The following DNAAF10 variants were observed in gnomAD, a reference collection of about 807,000 sequenced individuals.
The protein encoded by DNAAF10 is WD repeat domain 92.
Under a neutral mutation model 43.7 loss-of-function variants are expected in DNAAF10, and 28 were observed. The observed-to-expected ratio is 0.64, with a 90% CI of 0.48 to 0.88. The LOEUF (loss-of-function observed/expected upper bound fraction) is 0.88, where lower values mean the gene tolerates loss of function less well. DNAAF10 is among the 40% of genes least tolerant of loss of function. DNAAF10 has a pLI of 0.00. For synonymous variants in DNAAF10, 156 were observed against 157.3 expected (o/e 0.99, Z 0.06); for missense variants, 403 against 439.1 (o/e 0.92, Z 0.73).
chr2:68,138,949 A>G, intron 4 of DNAAF10, 92 bp from the exon 5 acceptor site: 1 of 866,650 alleles, frequency 1.2e-6, no homozygotes, highest in Non-Finnish European at 1.9e-6. Context: ...CATAAAACTT[A>G]TATTAAATCA....
chr2:68,133,810 C>CTA (rs952993870), intron 7 of DNAAF10, among the ~76,000 whole-genome samples: 14 of 152,150 alleles, frequency 9.2e-5, no homozygotes, highest in African/African-American at 3.1e-4. Flanking sequence ...GCACACAGTA[C>CTA]TTTAACAAGT....
At chr2:68,140,177 A>G (rs1041165853) in intron 4 of DNAAF10, among the ~76,000 whole-genome samples, 4 of 152,088 alleles carry the variant, frequency 2.6e-5, no homozygotes, top group Non-Finnish European at 5.9e-5. Flanking sequence ...AGTGAGAAGG[A>G]GGCCCCTGTC....
intron 1 of DNAAF10, among the ~76,000 whole-genome samples, chr2:68,155,798 T>C (rs550113607): frequency 3.3e-5 from 5 of 152,020 alleles, no homozygotes; most frequent in South Asian, 2.1e-4. Context: ...GAACTGAACA[T>C]TGGAATAGCA....
intron 4 of DNAAF10, 82 bp downstream of exon 4, chr2:68,141,612 A>G (rs984925265): frequency 9.2e-6 from 12 of 1,303,976 alleles, no homozygotes; most frequent in Middle Eastern, 1.9e-4. Context: ...ACAGACCATA[A>G]AGAGACTACT....
At chr2:68,140,576 C>T (rs1248426224) in intron 4 of DNAAF10, among the ~76,000 whole-genome samples, 1 of 152,154 alleles carries the variant, frequency 6.6e-6, no homozygotes, top group Non-Finnish European at 1.5e-5. Flanking sequence ...CTGCAAAGAG[C>T]TCTTGAACTC....
intron 1 of DNAAF10, 69 bp from the exon 2 acceptor site, chr2:68,147,636 T>C (rs2103627711): frequency 9.1e-7 from 1 of 1,104,558 alleles, no homozygotes; most frequent in Non-Finnish European, 1.3e-6. Flanking sequence ...ATTAATATCA[T>C]ATTTATGGCT....
At chr2:68,147,656 C>A (rs1375544204) in intron 1 of DNAAF10, 89 bp from the exon 2 acceptor site, 24 of 898,708 alleles carry the variant, frequency 2.7e-5, no homozygotes, top group Non-Finnish European at 3.7e-5. Flanking sequence ...TCTATTATGG[C>A]ATTTAAATAA....
chr2:68,157,340 G>T lies in DNAAF10; in HGVS notation c.104C>A (p.Thr35Asn), dbSNP rs1411075684. The T allele has an allele frequency of 1.2e-6, 2 of 1,614,056 alleles. No individual in the cohort carries two copies. The highest frequency in any genetic ancestry group is 2.2e-5 in the East Asian group (1 of 44,884). The change falls in exon 1 of 8, where the codon ACC (threonine) becomes AAC (asparagine). Residue 35 changes from threonine to asparagine, a missense_variant. By Grantham distance (65) the Thr-to-Asn change is moderately conservative. Transcript: ENST00000295121. ...KWVPCSAKFV[T>N]MGNFARGTGV... ...GGTGCCCCGTGCGAAGTTGCCCATG[G>T]TCACAAATTTGGCGCTGCAGGGCAC... is the stretch of plus-strand genomic sequence containing the variant.
chr2:68,152,700 T>G (rs548271392), intron 1 of DNAAF10, among the ~76,000 whole-genome samples: 14 of 152,330 alleles, frequency 9.2e-5, no homozygotes, highest in African/African-American at 2.6e-4. Flanking sequence ...ATTTTTGCTA[T>G]GTGATACTGA....
rs1291379143 is a variant in DNAAF10 at position 68,157,346 on chromosome 2, A to G, written c.98T>C (p.Phe33Ser). ...DCKWVPCSAK[F>S]VTMGNFARGT... ...CCGTGCGAAGTTGCCCATGGTCACA[A>G]ATTTGGCGCTGCAGGGCACCCACTT... The change falls in exon 1 of 8, where the codon TTT becomes TCT. Residue 33 changes from phenylalanine to serine, a missense_variant. By Grantham distance (155) the Phe-to-Ser change is radical. Coordinates refer to ENST00000295121, the MANE Select transcript of DNAAF10 (RefSeq NM_138458.4). 6.2e-7 allele frequency: 1 copy of G among 1,614,144 alleles called. No individual in the cohort carries two copies. The highest frequency in any genetic ancestry group is 8.5e-7 in the Non-Finnish European group (1 of 1,180,022).
chr2:68,150,850 C>T (rs566001841), intron 1 of DNAAF10, among the ~76,000 whole-genome samples: 30 of 152,194 alleles, frequency 2.0e-4, no homozygotes, highest in Non-Finnish European at 4.1e-4. Flanking sequence ...TTATCTATCT[C>T]TATATATAGT....
Position 68,157,423 on chromosome 2 carries a change from A to G in DNAAF10, c.21T>C (p.Pro7=), listed in dbSNP as rs1344508014. Reference sequence around the variant, plus strand: ...CCTTCTGGATATGGGCGATGATCTGAGGCTTCTCGAAGGCCGACATGGTGC... The same window carrying G: ...CCTTCTGGATATGGGCGATGATCTGGGGCTTCTCGAAGGCCGACATGGTGC... The part of the protein sequence containing the change: MSAFEK[P]QIIAHIQKGF... Residue 7 remains proline, a synonymous_variant, in exon 1 of 8, where the codon CCT becomes CCC. Transcript: ENST00000295121. The G allele has an allele frequency of 1.2e-6, 2 of 1,614,138 alleles. No individual in the cohort carries two copies. Among genetic ancestry groups the G allele is most frequent in the East Asian group, 4.5e-5 (2 of 44,884 alleles).
chr2:68,157,015 G>A, intron 1 of DNAAF10: 1 of 578,376 alleles, frequency 1.7e-6, no homozygotes, highest in East Asian at 3.0e-5. Context: ...AGGCATCCTG[G>A]TGCCCGCTTT....
Position 68,157,268 on chromosome 2 carries a change from A to G in DNAAF10, c.176T>C (p.Leu59Pro), listed in dbSNP as rs1558615455. Residue 59 changes from leucine to proline, a missense_variant, in exon 1 of 8, where the codon CTT (leucine) becomes CCT (proline). Leu to Pro is a moderately conservative substitution (Grantham distance 98). Transcript: ENST00000295121. The stretch of plus-strand genomic sequence containing the variant: ...CCTCGACCCGGCACCCACCTCCCGA[A>G]GCAGCTTCAGGTCCCCGTGCTGGAT... The part of the protein sequence containing the change: ...YEIQHGDLKL[L>P]REIEKAKPIK... 6.2e-7 allele frequency: 1 copy of G among 1,613,198 alleles called. No individual in the cohort carries two copies. Among genetic ancestry groups the G allele is most frequent in the Non-Finnish European group, 8.5e-7 (1 of 1,179,508 alleles).
chr2:68,133,613 C>T (rs976568874), intron 7 of DNAAF10, among the ~76,000 whole-genome samples: 4 of 151,956 alleles, frequency 2.6e-5, no homozygotes, highest in African/African-American at 4.8e-5. Flanking sequence ...ATTAGCCAGG[C>T]GTCGTGGCGG....
chr2:68,131,511 T>G, intron 7 of DNAAF10, 66 bp from the exon 8 acceptor site: 1 of 1,432,858 alleles, frequency 7.0e-7, no homozygotes, highest in Non-Finnish European at 9.8e-7. Context: ...TTTTTATACA[T>G]ACACTTCAAT....
At chr2:68,147,633 T>C in intron 1 of DNAAF10, 66 bp from the exon 2 acceptor site, 1 of 1,177,266 alleles carries the variant, frequency 8.5e-7, no homozygotes, top group East Asian at 2.7e-5. Flanking sequence ...TCTATTAATA[T>C]CATATTTATG....
At chr2:68,134,602 C>G (rs866606545) in intron 7 of DNAAF10, 100 bp downstream of exon 7, 82 of 1,551,808 alleles carry the variant, frequency 5.3e-5, no homozygotes, top group Middle Eastern at 5.2e-4. Context: ...TCAAAATGAA[C>G]TAAGTCAAAG....
At chr2:68,152,626 C>CA (rs530522981) in intron 1 of DNAAF10, among the ~76,000 whole-genome samples, 55 of 140,892 alleles carry the variant, frequency 3.9e-4, no homozygotes, top group East Asian at 4.3e-4. Context: ...AACTAGCTGG[C>CA]AAAAAAAAAA....
Sources: allele counts gnomAD v4.1 joint callset (sites outside exome capture counted in the v4.1 genomes callset), GRCh38; gene constraint gnomAD v4.1.1; transcripts MANE v1.5; gene names NCBI Gene and HGNC (gene_info 2026-07-23, HGNC 2026-07-21).